SLC9A9: variants seen among roughly 807,000 people sequenced by gnomAD.
SLC9A9 encodes the protein sodium/hydrogen exchanger 9.
Under a neutral mutation model 77.8 loss-of-function variants are expected in SLC9A9, and 62 were observed. That is an observed-to-expected ratio of 0.80 (90% CI 0.65 to 0.98). SLC9A9 has a LOEUF of 0.98. Ranked by LOEUF, SLC9A9 falls within the 50% of genes least tolerant of loss-of-function variation. The pLI is 0.00. For synonymous variants in SLC9A9, 320 were observed against 283.5 expected (o/e 1.13, Z -1.29); for missense variants, 775 against 774.9 (o/e 1.00, Z 0.00).
intron 4 of SLC9A9, among the ~76,000 whole-genome samples, chr3:143,734,786 A>G (rs1419585885): frequency 3.3e-5 from 5 of 152,062 alleles, no homozygotes; most frequent in Admixed American, 1.3e-4. Context: ...AGATTCATCA[A>G]TGTGTTCAAT....
rs561846904 is a variant in SLC9A9, at chr3:143,345,896, A to T, written c.1604+17588T>A. 8.6e-4 allele frequency among the ~76,000 whole-genome samples: 130 copies of T among 150,912 alleles called. 1 individual carries two copies. The highest frequency in any genetic ancestry group is 1.2e-3 in the Non-Finnish European group (82 of 67,514). ...GTAGGAAGGTGGAGAAAGGACAGAC[A>T]TTAGTGAACTGGAGTCCCTATCAGG... On this transcript the variant is annotated intron_variant, in intron 14 of 15. Coordinates refer to ENST00000316549, the MANE Select transcript of SLC9A9 (RefSeq NM_173653.4).
intron 11 of SLC9A9, among the ~76,000 whole-genome samples, chr3:143,472,208 T>A (rs2035390041): frequency 6.6e-6 from 1 of 152,206 alleles, no homozygotes; most frequent in Non-Finnish European, 1.5e-5. Flanking sequence ...GTTCCAGTGT[T>A]CATGGTCCTA....
In SLC9A9 at chr3:143,673,018, G is replaced by A. The variant is rs183638880; in HGVS notation, c.649+20174C>T. ...CCATCAAAGGTAAGATAGTTCATGT[G>A]CCTCTGCAATAGTTACACTACAGCA... is the stretch of plus-strand genomic sequence containing the variant. On this transcript the variant is annotated intron_variant, in intron 5 of 15. Transcript: ENST00000316549. 9.7e-4 allele frequency among the ~76,000 whole-genome samples: 148 copies of A among 152,304 alleles called. 3 individuals carry two copies. The highest frequency in any genetic ancestry group is 9.0e-3 in the Admixed American group (137 of 15,296).
At chr3:143,306,924 T>G (rs7641069) in intron 14 of SLC9A9, among the ~76,000 whole-genome samples, 23,946 of 152,206 alleles carry the variant, frequency 0.16, 2,126 homozygotes, top group East Asian at 0.3. Context: ...CCTGTACACA[T>G]GCTATTTCCT....
chr3:143,429,444 G>C (rs2034469276), intron 12 of SLC9A9, among the ~76,000 whole-genome samples: 1 of 152,180 alleles, frequency 6.6e-6, no homozygotes, highest in Non-Finnish European at 1.5e-5. Context: ...AGAAAAGGAG[G>C]GGAGAAGGTA....
At chr3:143,266,963 T>C (rs1937743272) in intron 15 of SLC9A9, 34 bp from the exon 16 acceptor site, 1 of 1,604,914 alleles carries the variant, frequency 6.2e-7, no homozygotes, top group Non-Finnish European at 8.5e-7. Flanking sequence ...TGTCACTTCA[T>C]GATGAAGGCA....
At chr3:143,357,729 T>C (rs1225644637) in intron 14 of SLC9A9, among the ~76,000 whole-genome samples, 1 of 152,180 alleles carries the variant, frequency 6.6e-6, no homozygotes, top group Non-Finnish European at 1.5e-5. Context: ...CTTTTTCCTC[T>C]CTTGGGCTCA....
At chr3:143,820,060 T>G (rs553767645) in intron 2 of SLC9A9, among the ~76,000 whole-genome samples, 2 of 152,386 alleles carry the variant, frequency 1.3e-5, no homozygotes, top group East Asian at 3.9e-4. Context: ...GCACTTACTA[T>G]GAGCCAGACA....
intron 8 of SLC9A9, 50 bp from the exon 9 acceptor site, chr3:143,552,500 A>T: frequency 6.6e-7 from 1 of 1,509,172 alleles, no homozygotes; most frequent in Non-Finnish European, 9.2e-7. Flanking sequence ...TTTTCCATCC[A>T]AGTCAAAGGT....
Position 143,738,186 on chromosome 3 carries a change from C to T in SLC9A9, c.534-44879G>A, listed in dbSNP as rs115240377. On this transcript the variant is annotated intron_variant, in intron 4 of 15. Transcript: ENST00000316549. ...AAGAAGTCAGAAGCCATTCTTCCTT[C>T]TGCAGTAGCAGATATGTGGGCCTTA... 3.3e-3 allele frequency among the ~76,000 whole-genome samples: 502 copies of T among 152,342 alleles called. 5 individuals are homozygous for T. The highest frequency in any genetic ancestry group is 0.011 in the African/African-American group (471 of 41,580).
chr3:143,636,612 C>CATT (rs747711950), intron 6 of SLC9A9, among the ~76,000 whole-genome samples: 1 of 152,182 alleles, frequency 6.6e-6, no homozygotes, highest in Non-Finnish European at 1.5e-5. Flanking sequence ...TTTTCAGCCT[C>CATT]ATTACCTTCC....
intron 9 of SLC9A9, among the ~76,000 whole-genome samples, chr3:143,499,576 G>T (rs1469139237): frequency 6.6e-6 from 1 of 152,012 alleles, no homozygotes; most frequent in Non-Finnish European, 1.5e-5. Flanking sequence ...TTCAAATAAG[G>T]ATAGGTTTTT....
chr3:143,626,788 G>A (rs1418857646), intron 6 of SLC9A9: 1 of 151,546 alleles, frequency 6.6e-6, no homozygotes, highest in Non-Finnish European at 1.5e-5. Context: ...AAAGAAATAG[G>A]AGAAACAAAA....
chr3:143,268,807 C>T, intron 15 of SLC9A9, 68 bp downstream of exon 15: 3 of 1,153,412 alleles, frequency 2.6e-6, no homozygotes, highest in East Asian at 3.0e-5. Context: ...TTCCTGGGCT[C>T]ATCGATATTC....
chr3:143,704,134 C>G lies in SLC9A9; in HGVS notation c.534-10827G>C, dbSNP rs866688942. ...GGGGAACCCAGTGGCTTTACTGCTT[C>G]TATCAAAAATTTAAAGAACTAATGC... is the stretch of plus-strand genomic sequence containing the variant. On this transcript the variant is annotated intron_variant, in intron 4 of 15. Coordinates refer to ENST00000316549, the MANE Select transcript of SLC9A9 (RefSeq NM_173653.4). 4.0e-4 allele frequency among the ~76,000 whole-genome samples: 61 copies of G among 152,236 alleles called. 1 individual carries two copies. The highest frequency in any genetic ancestry group is 3.4e-3 in the Middle Eastern group (1 of 294).
intron 9 of SLC9A9, among the ~76,000 whole-genome samples, chr3:143,531,517 G>A (rs548537721): frequency 2.6e-4 from 39 of 152,304 alleles, no homozygotes; most frequent in African/African-American, 9.1e-4. Context: ...TAATGTATAG[G>A]AAGTTTGTCT....
intron 2 of SLC9A9, among the ~76,000 whole-genome samples, chr3:143,800,494 C>T (rs565482967): frequency 6.6e-6 from 1 of 152,288 alleles, no homozygotes; most frequent in East Asian, 1.9e-4. Flanking sequence ...CTTTTGTCCT[C>T]AATACCTTCC....
At chr3:143,598,286 A>C in intron 6 of SLC9A9, among the ~76,000 whole-genome samples, 1 of 152,164 alleles carries the variant, frequency 6.6e-6, no homozygotes, top group East Asian at 1.9e-4. Flanking sequence ...AAGACAGGCA[A>C]CGCAGCTGTT....
intron 14 of SLC9A9, among the ~76,000 whole-genome samples, chr3:143,335,561 T>A (rs2031897738): frequency 6.6e-6 from 1 of 152,124 alleles, no homozygotes; most frequent in Non-Finnish European, 1.5e-5. Context: ...GGTACTGGCA[T>A]AAAAACAGAC....
Sources: allele counts gnomAD v4.1 joint callset (sites outside exome capture counted in the v4.1 genomes callset), GRCh38; gene constraint gnomAD v4.1.1; transcripts MANE v1.5; gene names NCBI Gene and HGNC (gene_info 2026-07-23, HGNC 2026-07-21).